The following KIF21B variants were observed in gnomAD, a reference collection of about 807,000 sequenced individuals.
KIF21B encodes kinesin family member 21B, also known as kinesin-like protein KIF21B.
In KIF21B, 85 loss-of-function variants were observed where a neutral mutation model predicts 192.9. The observed-to-expected ratio is 0.44, with a 90% CI of 0.37 to 0.53. The LOEUF is 0.53. Among genes scored for constraint, KIF21B ranks in the 20% least tolerant of loss-of-function variants. The pLI is 0.00. For missense variants in KIF21B, 1,716 were observed against 2,194.8 expected (o/e 0.78, Z 4.36); for synonymous variants, 832 against 884.6 (o/e 0.94, Z 1.05).
At position 201,019,350 on chromosome 1, in the gene KIF21B, A is replaced by C. The variant is rs545403475; in HGVS notation, c.41+3993T>G. Among the ~76,000 whole-genome samples, 3 of 152,216 alleles carry C rather than the reference A, an allele frequency of 2.0e-5. No individual in the cohort carries two copies. In the East Asian group the frequency reaches 5.8e-4, roughly 29 times the overall value. ...GTCTTCCTCCAAGCCACTGCTCTTC[A>C]CAAATGAACAAACCAGAACACAGCA... is the stretch of plus-strand genomic sequence containing the variant. On this transcript the variant is annotated intron_variant, in intron 1 of 34. Transcript: ENST00000461742.
chr1:200,991,188 G>A (rs779229671), intron 17 of KIF21B, 39 bp from the exon 18 acceptor site: 1 of 1,561,894 alleles, frequency 6.4e-7, no homozygotes, highest in Non-Finnish European at 8.8e-7. Flanking sequence ...CGGTGAGCAG[G>A]GTGGCCTGGA....
In KIF21B at chr1:201,003,794, A is replaced by G. The variant is rs766423028; in HGVS notation, c.1017-13T>C. The G allele has an allele frequency of 2.2e-5, 36 of 1,614,092 alleles. 1 individual carries two copies. The highest frequency in any genetic ancestry group is 3.0e-5 in the Non-Finnish European group (35 of 1,179,982). On this transcript the variant is annotated splice_polypyrimidine_tract_variant and intron_variant, in intron 7 of 34. Coordinates refer to ENST00000461742, the MANE Select transcript of KIF21B (RefSeq NM_001252102.2). ...CATGATGGTCTGGCTGGGGGTGCAG[A>G]AAGGCTGTTGTGAGGGTGAGGGACA... is the stretch of plus-strand genomic sequence containing the variant.
In KIF21B at chr1:200,999,936, C is replaced by T. The variant is rs2102436126; in HGVS notation, c.1714G>A (p.Ala572Thr). ...TCGCTGTTCTCCTGTTGGAGTTTTG[C>T]CCTCTTTTTGAAGGCTTCCTTCTCG... Reference protein sequence around the residue: ...SPEKEAFKKRAKLQQENSEET... With the variant: ...SPEKEAFKKRTKLQQENSEET... Residue 572 changes from alanine (A) to threonine (T), a missense_variant, in exon 12 of 35, where the codon GCA becomes ACA. By Grantham distance (58) the Ala-to-Thr change is moderately conservative. This residue lies in a region of KIF21B where 1,087 missense variants were observed against 1,316.6 expected (regional missense o/e 0.83). Transcript: ENST00000461742. This position sits in a 1 kb window ranked among gnomAD's most constrained non-coding sequence, Gnocchi z 4.7. 6.2e-7 allele frequency: 1 copy of T among 1,613,970 alleles called. No homozygotes were observed. Among genetic ancestry groups the T allele is most frequent in the East Asian group, 2.2e-5 (1 of 44,876 alleles).
At position 201,017,885 on chromosome 1, in the gene KIF21B, A is replaced by C. The variant is rs1311404014; in HGVS notation, c.41+5458T>G. ...ACACCCCAGAGCAGCTGGAGGTGAAAGAGAAAGTCCTCCAGAAACAGGGTA... is the reference window on the plus strand; with the variant it reads ...ACACCCCAGAGCAGCTGGAGGTGAACGAGAAAGTCCTCCAGAAACAGGGTA... On this transcript the variant is annotated intron_variant, in intron 1 of 34. Coordinates refer to ENST00000461742, the MANE Select transcript of KIF21B (RefSeq NM_001252102.2). The surrounding 1 kb of genome is among the most constrained non-coding windows in gnomAD (Gnocchi z 4.1). 1.3e-5 allele frequency among the ~76,000 whole-genome samples: 2 copies of C among 152,172 alleles called. No homozygotes were observed.
chr1:200,989,964 A>C lies in KIF21B; in HGVS notation c.3110T>G (p.Phe1037Cys), dbSNP rs1252298688. 11 of 1,613,824 alleles carry C rather than the reference A, an allele frequency of 6.8e-6. No homozygotes were observed. Among genetic ancestry groups the C allele is most frequent in the Non-Finnish European group, 9.3e-6 (11 of 1,179,962 alleles). Residue 1037 changes from phenylalanine (F) to cysteine (C), a missense_variant, in exon 21 of 35, where the codon TTC becomes TGC. Physicochemically the swap from Phe to Cys is radical, Grantham distance 205. Around this residue, in one of 3 missense-constraint regions of KIF21B, gnomAD observed 49 missense variants for 102.6 expected, o/e 0.48. Coordinates refer to ENST00000461742, the MANE Select transcript of KIF21B (RefSeq NM_001252102.2). ...TACCTTGTCAATGGATGCCTTGAGG[A>C]AGTTGTCTAGCAGGAGGCGGGCTTC... Reference protein sequence around the residue: ...LAEARLLLDNFLKASIDKGLQ... With the variant: ...LAEARLLLDNCLKASIDKGLQ...
chr1:200,983,653 T>C (rs755707681), intron 27 of KIF21B, among the ~76,000 whole-genome samples: 23 of 152,116 alleles, frequency 1.5e-4, no homozygotes, highest in African/African-American at 4.1e-4. Context: ...ACCTGGACCA[T>C]TGGACAAGAC....
At chr1:201,003,250 AAC>A (rs1319915711) in intron 8 of KIF21B, 1 of 388,756 alleles carries the variant, frequency 2.6e-6, no homozygotes, top group African/African-American at 2.1e-5. Context: ...TACCTGTTCC[AAC>A]ACAACACATT....
intron 3 of KIF21B, among the ~76,000 whole-genome samples, chr1:201,006,530 AT>A (rs1657829525): frequency 1.3e-5 from 2 of 152,124 alleles, no homozygotes; most frequent in African/African-American, 4.8e-5. Flanking sequence ...AGGGACAGAA[AT>A]ACCCCACATG....
Position 200,976,756 on chromosome 1 carries a change from A to T in KIF21B, c.4443+20T>A. The T allele has an allele frequency of 6.6e-7, 1 of 1,511,916 alleles. No homozygotes were observed. Among genetic ancestry groups the T allele is most frequent in the Non-Finnish European group, 9.2e-7 (1 of 1,090,898 alleles). 93.7% of individuals were successfully genotyped at this position (1,511,916 alleles called of 1,614,324 possible). ...GAGAGTGGAAGACCAGCCCCGACCCAGGCCTCATAGCTGAGGTACCTTAAC... is the reference window on the plus strand; with the variant it reads ...GAGAGTGGAAGACCAGCCCCGACCCTGGCCTCATAGCTGAGGTACCTTAAC... On this transcript the variant is annotated intron_variant, in intron 32 of 34. Transcript: ENST00000461742.
Position 200,972,390 on chromosome 1 carries a change from C to G in KIF21B, c.*1131G>C, listed in dbSNP as rs1484409368. ...CAGGGTGCCGGGCTGTCCTCCCCAT[C>G]CAAGCCACCTCCCAGCAGACACAGC... On this transcript the variant is annotated 3_prime_UTR_variant, in exon 35 of 35. Coordinates refer to ENST00000461742, the MANE Select transcript of KIF21B (RefSeq NM_001252102.2). 1 of 152,394 alleles carries G rather than the reference C, an allele frequency of 6.6e-6. No homozygotes were observed. The highest frequency in any genetic ancestry group is 1.5e-5 in the Non-Finnish European group (1 of 68,170). The allele number at this position is 152,394 out of a possible 1,614,324, so 9.4% of individuals were successfully genotyped here.
chr1:201,008,793 G>T lies in KIF21B; in HGVS notation c.423C>A (p.Phe141Leu). The T allele has an allele frequency of 6.2e-7, 1 of 1,602,454 alleles. No individual in the cohort carries two copies. ...CCTCCAGAAACTGGGCGCTGACTTTGAACTCAGGTCCAGCCACGCCCTGCT... is the reference window on the plus strand; with the variant it reads ...CCTCCAGAAACTGGGCGCTGACTTTTAACTCAGGTCCAGCCACGCCCTGCT... ...AQEQGVAGPE[F>L]KVSAQFLELY... Residue 141 changes from phenylalanine (F) to leucine (L), a missense_variant, in exon 3 of 35, where the codon TTC becomes TTA. Around this residue, in one of 3 missense-constraint regions of KIF21B, gnomAD observed 1,087 missense variants for 1,316.6 expected, o/e 0.83. Transcript: ENST00000461742.
In KIF21B at chr1:201,023,347, C is replaced by T. The variant is rs1455388304; in HGVS notation, c.37G>A (p.Val13Ile). ...GQGDCCVKVAVRIRPQLSKEK... is the reference protein window; with the variant it reads ...GQGDCCVKVAIRIRPQLSKEK... ...TTCCCCGCCCCGGGTCCCTACCTGA[C>T]GGCCACCTTGACGCAGCAGTCCCCC... The change falls in exon 1 of 35, where the codon GTC (valine) becomes ATC (isoleucine). Residue 13 changes from valine to isoleucine, a missense_variant. Physicochemically the swap from Val to Ile is conservative, Grantham distance 29 (BLOSUM62 3). Transcript: ENST00000461742. This position sits in a 1 kb window ranked among gnomAD's most constrained non-coding sequence, Gnocchi z 5.9. The T allele has an allele frequency of 1.3e-6, 2 of 1,530,846 alleles. No homozygotes were observed. Among genetic ancestry groups the T allele is most frequent in the Non-Finnish European group, 1.8e-6 (2 of 1,141,158 alleles). The allele number at this position is 1,530,846 out of a possible 1,614,324, so 94.8% of individuals were successfully genotyped here.
chr1:200,994,937 C>T (rs1026415351), intron 15 of KIF21B, among the ~76,000 whole-genome samples: 6 of 152,220 alleles, frequency 3.9e-5, no homozygotes, highest in Admixed American at 6.5e-5. Flanking sequence ...ACAGGGTGAA[C>T]GCACTGAAGG....
chr1:200,996,708 A>G (rs1028803482), intron 14 of KIF21B, among the ~76,000 whole-genome samples: 1 of 152,158 alleles, frequency 6.6e-6, no homozygotes, highest in Admixed American at 6.5e-5. Context: ...GTTCTGACCC[A>G]TGATCCAGTG....
At chr1:200,993,165 G>A (rs999605104) in intron 15 of KIF21B, among the ~76,000 whole-genome samples, 7 of 152,226 alleles carry the variant, frequency 4.6e-5, no homozygotes, top group African/African-American at 1.2e-4. Context: ...GGCCGGAGGC[G>A]ACCCAATGTG....
At chr1:200,979,779 C>T (rs1448330031) in intron 29 of KIF21B, 64 bp from the exon 30 acceptor site, 2 of 1,397,734 alleles carry the variant, frequency 1.4e-6, no homozygotes, top group East Asian at 5.3e-5. Flanking sequence ...GGCGCAGCTC[C>T]ACCTCTGCAG....
At chr1:200,974,585 C>T in intron 34 of KIF21B, 129 bp downstream of exon 34, 1 of 935,722 alleles carries the variant, frequency 1.1e-6, no homozygotes, top group Non-Finnish European at 1.6e-6. Context: ...CAAAGGAGGC[C>T]ACCATGGAAT....
Position 201,000,524 on chromosome 1 carries a change from C to G in KIF21B, c.1551G>C (p.Leu517=). 1 of 1,612,376 alleles carries G rather than the reference C, an allele frequency of 6.2e-7. No homozygotes were observed. Among genetic ancestry groups the G allele is most frequent in the Non-Finnish European group, 8.5e-7 (1 of 1,179,006 alleles). ...SRASARSPYS[L]GASPAAPAFG... Reference sequence around the variant, plus strand: ...AGGCCGGGGCGGCTGGAGAAGCACCCAGGGAGTAGGGGCTCCTAGCCGAGG... The same window carrying G: ...AGGCCGGGGCGGCTGGAGAAGCACCGAGGGAGTAGGGGCTCCTAGCCGAGG... Residue 517 remains leucine (L), a synonymous_variant, in exon 11 of 35, where the codon CTG becomes CTC. Coordinates refer to ENST00000461742, the MANE Select transcript of KIF21B (RefSeq NM_001252102.2). The surrounding 1 kb of genome is among the most constrained non-coding windows in gnomAD (Gnocchi z 6.0).
intron 28 of KIF21B, 68 bp from the exon 29 acceptor site, chr1:200,981,164 C>T (rs763781993): frequency 1.9e-4 from 294 of 1,513,442 alleles, no homozygotes; most frequent in Non-Finnish European, 2.5e-4. Context: ...CTGATCAAGG[C>T]ACGTGTGTGG....
Sources: gnomAD v4.1 joint callset for allele counts (sites outside exome capture counted in the v4.1 genomes callset) on GRCh38, gnomAD v4.1.1 for gene constraint, gnomAD v4.1.1 regional missense constraint, Gnocchi (gnomAD v3.1) non-coding constraint, MANE v1.5 for transcripts, NCBI Gene and HGNC (gene_info 2026-07-23, HGNC 2026-07-21) for gene names.